Variants in BCAS3 observed in about 807,000 individuals in gnomAD.
BCAS3 encodes BCAS3 microtubule associated cell migration factor.
BCAS3 carries 53 observed loss-of-function variants against 116.1 expected under a neutral mutation model. That is an observed-to-expected ratio of 0.46 (90% CI 0.37 to 0.57). BCAS3 has a LOEUF of 0.57. Ranked by LOEUF, BCAS3 falls within the 20% of genes least tolerant of loss-of-function variation. The probability of loss-of-function intolerance (pLI) is 0.00; values close to 1 mark genes in which losing one functional copy is unlikely to be tolerated. For synonymous variants in BCAS3, 391 were observed against 408.2 expected, an observed-to-expected ratio of 0.96 and a Z score of 0.51; for missense variants, 917 against 1,165.4, an observed-to-expected ratio of 0.79 and a Z score of 3.10.
At chr17:61,129,963 A>C (rs2076243761) in intron 22 of BCAS3, among the ~76,000 whole-genome samples, 1 of 152,224 alleles carries the variant, frequency 6.6e-6, no homozygotes, top group African/African-American at 2.4e-5. Context: ...GACTGCCAAC[A>C]CTTTTCCATA....
At position 60,793,178 on chromosome 17, in the gene BCAS3, A is replaced by C. The variant is rs1015064188; in HGVS notation, c.404-14826A>C. On this transcript the variant is annotated intron_variant, in intron 6 of 23. Transcript: ENST00000407086. Reference sequence around the variant, plus strand: ...AGTGGCACGATTTCTGCTCACTGCAACTTCTGCCTCCTGGGTTCAAGCAGT... The same window carrying C: ...AGTGGCACGATTTCTGCTCACTGCACCTTCTGCCTCCTGGGTTCAAGCAGT... 9.2e-5 allele frequency among the ~76,000 whole-genome samples: 14 copies of C among 152,138 alleles called. No homozygotes were observed. The East Asian group carries it at 2.7e-3, about 29-fold the overall frequency.
At chr17:61,294,085 CT>C (rs1321619153) in intron 22 of BCAS3, among the ~76,000 whole-genome samples, 1 of 152,166 alleles carries the variant, frequency 6.6e-6, no homozygotes, top group African/African-American at 2.4e-5. Context: ...TTTGTTGTAT[CT>C]CTAGTTAAAT....
chr17:60,955,606 G>C (rs2061090329), intron 14 of BCAS3, among the ~76,000 whole-genome samples: 1 of 151,872 alleles, frequency 6.6e-6, no homozygotes, highest in South Asian at 2.1e-4. Flanking sequence ...GGATGGTCTG[G>C]ATATCCTGAC....
chr17:60,682,685 C>A (rs1838939840), intron 2 of BCAS3, among the ~76,000 whole-genome samples: 1 of 151,998 alleles, frequency 6.6e-6, no homozygotes, highest in Non-Finnish European at 1.5e-5. Context: ...CCAGGCCCAG[C>A]TAGTTTTTGT....
In BCAS3 at chr17:60,962,059, C is replaced by G. The variant is rs890784571; in HGVS notation, c.1221+14707C>G. 6.6e-6 allele frequency among the ~76,000 whole-genome samples: 1 copy of G among 151,988 alleles called. No homozygotes were observed. The highest frequency in any genetic ancestry group is 2.4e-5 in the African/African-American group (1 of 41,366). On this transcript the variant is annotated intron_variant, in intron 14 of 23. Transcript: ENST00000407086. This position sits in a 1 kb window ranked among gnomAD's most constrained non-coding sequence, Gnocchi z 4.4. ...GCTGAATATTTCATTGCTATATATA[C>G]CATATATGCTTTATTTATTCATCTG...
intron 16 of BCAS3, among the ~76,000 whole-genome samples, chr17:61,031,386 C>T (rs544835206): frequency 6.6e-6 from 1 of 152,158 alleles, no homozygotes; most frequent in South Asian, 2.1e-4. Flanking sequence ...TTGTATGTCA[C>T]TGGCATATTG....
chr17:61,170,317 GA>G (rs1315078280), intron 22 of BCAS3, among the ~76,000 whole-genome samples: 2 of 151,500 alleles, frequency 1.3e-5, no homozygotes, highest in Admixed American at 1.3e-4. Context: ...TTTTGAGACG[GA>G]GTCTCGCTCT....
chr17:60,752,894 G>A (rs1237642615), intron 6 of BCAS3, among the ~76,000 whole-genome samples: 1 of 152,222 alleles, frequency 6.6e-6, no homozygotes, highest in East Asian at 1.9e-4. Context: ...GCCCAGGCTG[G>A]GATGCAGTGG....
chr17:60,848,699 CTTCT>C (rs2052755158), intron 7 of BCAS3, among the ~76,000 whole-genome samples: 2 of 151,466 alleles, frequency 1.3e-5, no homozygotes, highest in South Asian at 2.1e-4. Flanking sequence ...TTCAAGTTTC[CTTCT>C]TTATTTTTTT....
chr17:60,937,205 C>CT (rs1012762191), intron 13 of BCAS3, among the ~76,000 whole-genome samples: 6 of 150,678 alleles, frequency 4.0e-5, no homozygotes, highest in African/African-American at 9.7e-5. Context: ...TCACTGACCT[C>CT]TTTTTTTTAC....
At chr17:60,819,611 G>A (rs375915547) in intron 7 of BCAS3, among the ~76,000 whole-genome samples, 3 of 152,248 alleles carry the variant, frequency 2.0e-5, no homozygotes, top group East Asian at 1.9e-4. Context: ...AATCTGTGCT[G>A]TTAGGGCCCT....
intron 5 of BCAS3, among the ~76,000 whole-genome samples, chr17:60,713,522 G>A (rs1168764405): frequency 6.6e-6 from 1 of 152,060 alleles, no homozygotes; most frequent in Non-Finnish European, 1.5e-5. Context: ...ACCAACTGTG[G>A]ATTGAAAATA....
chr17:60,727,351 C>T, intron 5 of BCAS3: 1 of 1,500,222 alleles, frequency 6.7e-7, no homozygotes, highest in Non-Finnish European at 9.3e-7. Flanking sequence ...CATAGCCACT[C>T]TGCTTCCGAT....
At chr17:61,071,314 C>A (rs1419114901) in intron 19 of BCAS3, among the ~76,000 whole-genome samples, 2 of 152,140 alleles carry the variant, frequency 1.3e-5, no homozygotes, top group Admixed American at 1.3e-4. Context: ...CTCCTAAGCT[C>A]TCAAATGAAA....
At position 61,140,169 on chromosome 17, in the gene BCAS3, G is replaced by T. The variant is rs546596702; in HGVS notation, c.2425+55605G>T. Among the ~76,000 whole-genome samples, 134 of 152,274 alleles carry T rather than the reference G, an allele frequency of 8.8e-4. No homozygotes were observed. The highest frequency in any genetic ancestry group is 5.9e-5 in the Non-Finnish European group (4 of 68,004). On this transcript the variant is annotated intron_variant, in intron 22 of 23. Transcript: ENST00000407086. This position sits in a 1 kb window ranked among gnomAD's most constrained non-coding sequence, Gnocchi z 4.2. ...GGAGAATCACTGGAACCCAGAAGGC[G>T]GAGGTTGCAGTGAGTCAGGATCACA... is the stretch of plus-strand genomic sequence containing the variant.
rs1298457722 is a variant in BCAS3 at position 61,017,973 on chromosome 17, TTC to T, written c.1637+2074_1637+2075del. On this transcript the variant is annotated intron_variant, in intron 16 of 23. Transcript: ENST00000407086. The surrounding 1 kb of genome is among the most constrained non-coding windows in gnomAD (Gnocchi z 4.7). ...TGTTCTCAGATTTTTGGAGCATGTATTCTGTTGCGTTATGAACAATTTATTAA... is the reference window on the plus strand; with the variant it reads ...TGTTCTCAGATTTTTGGAGCATGTATTGTTGCGTTATGAACAATTTATTAA... Among the ~76,000 whole-genome samples, 1 of 152,230 alleles carries T rather than the reference TTC, an allele frequency of 6.6e-6. No individual in the cohort carries two copies. The highest frequency in any genetic ancestry group is 1.9e-4 in the East Asian group (1 of 5,200).
intron 15 of BCAS3, among the ~76,000 whole-genome samples, chr17:61,000,641 C>A (rs571152372): frequency 2.0e-5 from 3 of 151,918 alleles, no homozygotes; most frequent in African/African-American, 7.3e-5. Flanking sequence ...ATTCATTTTT[C>A]GTATTTTGGT....
rs1291158816 is a variant in BCAS3 at position 61,073,538 on chromosome 17, TG to T, written c.2030-1381del. On this transcript the variant is annotated intron_variant, in intron 19 of 23. Coordinates refer to ENST00000407086, the MANE Select transcript of BCAS3 (RefSeq NM_017679.5). This position sits in a 1 kb window ranked among gnomAD's most constrained non-coding sequence, Gnocchi z 4.6. ...CATTCTCTTTCACTGCTTGGGTAAG[TG>T]TATAACTCTTTCTGGGAACATATAT... 6.6e-6 allele frequency among the ~76,000 whole-genome samples: 1 copy of T among 152,160 alleles called. No homozygotes were observed. The highest frequency in any genetic ancestry group is 1.5e-5 in the Non-Finnish European group (1 of 68,028).
chr17:61,044,465 A>AAAAAAAAAAAAAAATATATATAT, intron 19 of BCAS3, among the ~76,000 whole-genome samples: 1 of 120,124 alleles, frequency 8.3e-6, no homozygotes, highest in African/African-American at 5.0e-5. Context: ...AAAAAAAAAA[A>AAAAAAAAAAAAAAATATATATAT]ATATATATAT....
Sources: gnomAD v4.1 joint callset for allele counts (sites outside exome capture counted in the v4.1 genomes callset) on GRCh38, gnomAD v4.1.1 for gene constraint, Gnocchi (gnomAD v3.1) non-coding constraint, MANE v1.5 for transcripts, NCBI Gene and HGNC (gene_info 2026-07-23, HGNC 2026-07-21) for gene names.